The following HTR1E variants were observed in gnomAD, a reference collection of about 807,000 sequenced individuals.
HTR1E encodes the protein 5-hydroxytryptamine receptor 1E.
HTR1E carries 3 observed loss-of-function variants against 3.4 expected under a neutral mutation model. The ratio of observed to expected loss-of-function variants is 0.89; its 90% confidence interval spans 0.41 to 2.31. The LOEUF (loss-of-function observed/expected upper bound fraction) is 2.31, where lower values mean the gene tolerates loss of function less well. Ranked by LOEUF, HTR1E falls within the 30% of genes most tolerant of loss-of-function variation. HTR1E has a pLI of 0.05. For missense variants in HTR1E, 392 were observed against 467.0 expected (o/e 0.84, Z 1.48); for synonymous variants, 170 against 182.8 (o/e 0.93, Z 0.56).
At chr6:86,994,539 T>C (rs1767910332) in intron 1 of HTR1E, among the ~76,000 whole-genome samples, 1 of 152,016 alleles carries the variant, frequency 6.6e-6, no homozygotes, top group African/African-American at 2.4e-5. Context: ...AAAATATCCT[T>C]CACTAATGAA....
intron 1 of HTR1E, among the ~76,000 whole-genome samples, chr6:86,944,538 TATAG>T (rs1346458720): frequency 1.3e-5 from 2 of 152,244 alleles, no homozygotes; most frequent in Non-Finnish European, 2.9e-5. Context: ...AGTTCCACTT[TATAG>T]ATAGTGATAT....
Position 86,999,066 on chromosome 6 carries a change from T to C in HTR1E, c.-185-16084T>C, listed in dbSNP as rs148520131. Among the ~76,000 whole-genome samples the C allele has an allele frequency of 2.0e-3, 307 of 152,264 alleles. 1 individual carries two copies. The highest frequency in any genetic ancestry group is 7.1e-3 in the African/African-American group (293 of 41,560). On this transcript the variant is annotated intron_variant, in intron 1 of 1. Transcript: ENST00000305344. ...CCTCTGCCTCTTGGGTTCAAACGAT[T>C]CTCATACCTCAGCCTCCCGAGTAGC...
In HTR1E at chr6:87,015,865, C is replaced by T. The variant is rs6302; in HGVS notation, c.531C>T (p.His177=). 104,628 of 1,612,858 alleles carry T rather than the reference C, an allele frequency of 0.065. 3,932 individuals are homozygous for T. Among genetic ancestry groups the T allele is most frequent in the Non-Finnish European group, 0.075 (88,038 of 1,179,424 alleles). The change falls in exon 2 of 2, where the codon CAC becomes CAT. Residue 177 remains histidine (H), a synonymous_variant. Transcript: ENST00000305344. ...CCCCTAGTCAGTGCACCATCCAGCA[C>T]GACCATGTTATCTACACCATTTACT... ...SPPPSQCTIQ[H]DHVIYTIYST...
chr6:86,972,754 A>T (rs1025156663), intron 1 of HTR1E, among the ~76,000 whole-genome samples: 3 of 152,188 alleles, frequency 2.0e-5, no homozygotes, highest in African/African-American at 4.8e-5. Flanking sequence ...ATGAGTGTGT[A>T]TGCGAGTTGG....
At chr6:86,967,435 T>A (rs551147747) in intron 1 of HTR1E, among the ~76,000 whole-genome samples, 3 of 152,284 alleles carry the variant, frequency 2.0e-5, no homozygotes, top group African/African-American at 7.2e-5. Context: ...AATACATTTT[T>A]AAAATGCCTT....
At chr6:86,979,108 G>A (rs1468764114) in intron 1 of HTR1E, among the ~76,000 whole-genome samples, 1 of 152,160 alleles carries the variant, frequency 6.6e-6, no homozygotes, top group African/African-American at 2.4e-5. Flanking sequence ...TCTTTTTCAA[G>A]TTTAACATCA....
chr6:86,981,859 C>T (rs1242706348), intron 1 of HTR1E, among the ~76,000 whole-genome samples: 1 of 152,020 alleles, frequency 6.6e-6, no homozygotes, highest in African/African-American at 2.4e-5. Context: ...AAGCTGATGC[C>T]TCTATCCTTG....
chr6:86,998,039 A>G (rs1050908249), intron 1 of HTR1E, among the ~76,000 whole-genome samples: 2 of 152,060 alleles, frequency 1.3e-5, no homozygotes, highest in Non-Finnish European at 2.9e-5. Context: ...TTCATCAAAA[A>G]AAATCTTAAA....
chr6:87,002,102 G>C (rs1012412122), intron 1 of HTR1E, among the ~76,000 whole-genome samples: 11 of 152,206 alleles, frequency 7.2e-5, no homozygotes, highest in Non-Finnish European at 1.3e-4. Context: ...CCCAACACTG[G>C]AGTGTGTTCG....
At chr6:86,977,432 T>C (rs538236816) in intron 1 of HTR1E, among the ~76,000 whole-genome samples, 2 of 152,336 alleles carry the variant, frequency 1.3e-5, no homozygotes, top group East Asian at 1.9e-4. Flanking sequence ...CAATCCACAA[T>C]TGATGGGCAC....
At chr6:86,962,824 C>T (rs893757341) in intron 1 of HTR1E, among the ~76,000 whole-genome samples, 5 of 151,864 alleles carry the variant, frequency 3.3e-5, no homozygotes, top group East Asian at 1.9e-4. Context: ...GGTGACAGAG[C>T]GAGACCCTGT....
At chr6:86,996,873 C>T (rs913907763) in intron 1 of HTR1E, among the ~76,000 whole-genome samples, 16 of 151,584 alleles carry the variant, frequency 1.1e-4, no homozygotes, top group African/African-American at 3.6e-4. Flanking sequence ...GAACACTTTC[C>T]AACTCATTTT....
chr6:86,943,408 AACTCT>A (rs1768570854), intron 1 of HTR1E, among the ~76,000 whole-genome samples: 1 of 152,206 alleles, frequency 6.6e-6, no homozygotes, highest in African/African-American at 2.4e-5. Context: ...GCACAGGCCC[AACTCT>A]ACGGACCTGG....
chr6:87,009,286 G>C (rs574438179), intron 1 of HTR1E, among the ~76,000 whole-genome samples: 7 of 150,148 alleles, frequency 4.7e-5, no homozygotes, highest in South Asian at 2.1e-4. Context: ...CTGCCTTCAA[G>C]CATCTGTTTA....
At chr6:87,013,042 C>A (rs369430896) in intron 1 of HTR1E, among the ~76,000 whole-genome samples, 5 of 152,330 alleles carry the variant, frequency 3.3e-5, no homozygotes, top group African/African-American at 1.2e-4. Flanking sequence ...ATAAAACCCT[C>A]TTTAAGATAA....
intron 1 of HTR1E, among the ~76,000 whole-genome samples, chr6:86,957,600 T>C (rs780869768): frequency 7.2e-5 from 11 of 152,230 alleles, no homozygotes; most frequent in African/African-American, 1.9e-4. Context: ...TCTCAGTCAC[T>C]TGGCACTGGA....
At chr6:86,979,800 A>G (rs1353325369) in intron 1 of HTR1E, among the ~76,000 whole-genome samples, 2 of 152,186 alleles carry the variant, frequency 1.3e-5, no homozygotes, top group Non-Finnish European at 2.9e-5. Context: ...GGGATGGTGA[A>G]AGAGCCTAGG....
At chr6:86,940,767 C>T (rs1449627177) in intron 1 of HTR1E, among the ~76,000 whole-genome samples, 5 of 152,076 alleles carry the variant, frequency 3.3e-5, no homozygotes, top group Non-Finnish European at 7.4e-5. Context: ...GGAAAGCATT[C>T]CCTCTATTTC....
At chr6:86,943,213 G>A (rs1350661705) in intron 1 of HTR1E, among the ~76,000 whole-genome samples, 2 of 152,182 alleles carry the variant, frequency 1.3e-5, no homozygotes, top group African/African-American at 4.8e-5. Context: ...CTAAGGGTGA[G>A]AGGGTCTACA....
Sources: allele counts gnomAD v4.1 joint callset (sites outside exome capture counted in the v4.1 genomes callset), GRCh38; gene constraint gnomAD v4.1.1; transcripts MANE v1.5; gene names NCBI Gene and HGNC (gene_info 2026-07-23, HGNC 2026-07-21).